The following PLEK variants were observed in gnomAD, a reference collection of about 807,000 sequenced individuals.
PLEK encodes pleckstrin, also known as platelet 47 kDa protein.
Under a neutral mutation model 43.9 loss-of-function variants are expected in PLEK, and 25 were observed. The observed-to-expected ratio is 0.57, with a 90% CI of 0.41 to 0.79. The LOEUF (loss-of-function observed/expected upper bound fraction) is 0.79, where lower values mean the gene tolerates loss of function less well. Ranked by LOEUF, PLEK falls within the 30% of genes least tolerant of loss-of-function variation. PLEK has a pLI of 0.00. For missense variants in PLEK, 396 were observed against 413.3 expected (o/e 0.96, Z 0.36); for synonymous variants, 152 against 144.4 (o/e 1.05, Z -0.38).
In PLEK at chr2:68,380,813, A is replaced by C; in HGVS notation, c.289A>C (p.Lys97Gln). 1.9e-6 allele frequency: 3 copies of C among 1,613,976 alleles called. No individual in the cohort carries two copies. Among genetic ancestry groups the C allele is most frequent in the Non-Finnish European group, 2.5e-6 (3 of 1,179,842 alleles). Residue 97 changes from lysine (K) to glutamine (Q), a missense_variant, in exon 3 of 9, where the codon AAG (lysine) becomes CAG (glutamine). Transcript: ENST00000234313. ...GAGAGATGCCTGGGTTCGGGATATC[A>C]AGAAGGCCATTAAATGCATTGAAGG... ...EERDAWVRDI[K>Q]KAIKCIEGGQ...
intron 2 of PLEK, 109 bp downstream of exon 2, chr2:68,380,592 C>G: frequency 7.2e-7 from 1 of 1,381,980 alleles, no homozygotes; most frequent in Non-Finnish European, 1.0e-6. Flanking sequence ...CCTCTCACCA[C>G]CACCCACACC....
chr2:68,367,322 G>C (rs1673298443), intron 1 of PLEK, among the ~76,000 whole-genome samples: 1 of 151,644 alleles, frequency 6.6e-6, no homozygotes, highest in Admixed American at 6.6e-5. Context: ...TTGTTATATA[G>C]GTAAACTCCT....
intron 6 of PLEK, among the ~76,000 whole-genome samples, chr2:68,391,940 G>A (rs1673867276): frequency 1.3e-5 from 2 of 152,122 alleles, no homozygotes; most frequent in African/African-American, 4.8e-5. Context: ...GAAATAACTT[G>A]GTAACTCACA....
At chr2:68,382,682 G>T (rs768074757) in intron 4 of PLEK, 49 bp downstream of exon 4, 1 of 1,067,244 alleles carries the variant, frequency 9.4e-7, no homozygotes. Flanking sequence ...AGGCGATATG[G>T]AGTCCTCCTT....
At chr2:68,385,618 G>A (rs1363356017) in intron 4 of PLEK, among the ~76,000 whole-genome samples, 1 of 151,522 alleles carries the variant, frequency 6.6e-6, no homozygotes. Flanking sequence ...CTGCCCCATG[G>A]GGCTGCTTTA....
intron 8 of PLEK, among the ~76,000 whole-genome samples, chr2:68,395,421 T>G (rs1673945315): frequency 6.6e-6 from 1 of 152,064 alleles, no homozygotes; most frequent in Non-Finnish European, 1.5e-5. Flanking sequence ...AAGAAAATGT[T>G]TCTCCTTAAG....
At chr2:68,369,781 G>T (rs1370828867) in intron 1 of PLEK, among the ~76,000 whole-genome samples, 2 of 152,158 alleles carry the variant, frequency 1.3e-5, no homozygotes, top group Admixed American at 1.3e-4. Flanking sequence ...GAGCCTGGAA[G>T]AGGCAAAATT....
chr2:68,388,571 G>T (rs1243716714), intron 6 of PLEK, 80 bp downstream of exon 6: 6 of 740,572 alleles, frequency 8.1e-6, no homozygotes, highest in African/African-American at 3.5e-5. Flanking sequence ...AGTGACTTTT[G>T]GTTTGTTTGG....
In PLEK at chr2:68,395,701, A is replaced by G. The variant is rs1673949765; in HGVS notation, c.938A>G (p.Asn313Ser). The change falls in exon 9 of 9, where the codon AAC becomes AGC. Residue 313 changes from asparagine (N) to serine (S), a missense_variant. Asn to Ser is a conservative substitution (Grantham distance 46). Transcript: ENST00000234313. The part of the protein sequence containing the change: ...NSNGRKSEEE[N>S]LFEIITADEV... Reference sequence around the variant, plus strand: ...CCAGGCAGGAAGAGTGAGGAAGAGAACCTTTTTGAGATCATCACAGCAGAT... The same window carrying G: ...CCAGGCAGGAAGAGTGAGGAAGAGAGCCTTTTTGAGATCATCACAGCAGAT... The G allele has an allele frequency of 6.2e-7, 1 of 1,613,982 alleles. No homozygotes were observed. The highest frequency in any genetic ancestry group is 8.5e-7 in the Non-Finnish European group (1 of 1,179,952).
chr2:68,386,656 C>T lies in PLEK; in HGVS notation c.627C>T (p.Phe209=), dbSNP rs746291593. 6.2e-7 allele frequency: 1 copy of T among 1,613,740 alleles called. No homozygotes were observed. The highest frequency in any genetic ancestry group is 1.1e-5 in the South Asian group (1 of 91,046). The change falls in exon 5 of 9, where the codon TTC becomes TTT. Residue 209 remains phenylalanine (F), a synonymous_variant. Coordinates refer to ENST00000234313, the MANE Select transcript of PLEK (RefSeq NM_002664.3). ...SAVDGTAENP[F]LDNPDAFYYF... ...TGGATGGAACTGCTGAAAACCCTTT[C>T]CTGGACAACCCTGATGCCTTCTACT...
chr2:68,382,778 C>G, intron 4 of PLEK, 145 bp downstream of exon 4: 2 of 567,110 alleles, frequency 3.5e-6, no homozygotes, highest in Middle Eastern at 5.7e-4. Context: ...GGATGAAGCT[C>G]CTACAGAGTG....
intron 4 of PLEK, among the ~76,000 whole-genome samples, chr2:68,384,182 TCCTTCTCCTTCTCCTTCTCCTCC>T (rs1383123372): frequency 1.3e-5 from 2 of 151,042 alleles, no homozygotes; most frequent in Non-Finnish European, 3.0e-5. Context: ...CTTCTCCTTC[TCCTTCTCCTTCTCCTTCTCCTCC>T]TTCTTCCTCT....
intron 7 of PLEK, among the ~76,000 whole-genome samples, chr2:68,393,581 A>C (rs1049700638): frequency 6.6e-6 from 1 of 152,206 alleles, no homozygotes; most frequent in Non-Finnish European, 1.5e-5. Flanking sequence ...ATAATTCCTC[A>C]TCCAGGTCAA....
At position 68,380,814 on chromosome 2, in the gene PLEK, A is replaced by G. The variant is rs758861509; in HGVS notation, c.290A>G (p.Lys97Arg). Residue 97 changes from lysine (K) to arginine (R), a missense_variant, in exon 3 of 9, where the codon AAG (lysine) becomes AGG (arginine). Coordinates refer to ENST00000234313, the MANE Select transcript of PLEK (RefSeq NM_002664.3). ...AGAGATGCCTGGGTTCGGGATATCA[A>G]GAAGGCCATTAAATGCATTGAAGGA... is the stretch of plus-strand genomic sequence containing the variant. ...EERDAWVRDI[K>R]KAIKCIEGGQ... The G allele has an allele frequency of 2.5e-6, 4 of 1,614,030 alleles. No individual in the cohort carries two copies. Among genetic ancestry groups the G allele is most frequent in the East Asian group, 2.2e-5 (1 of 44,882 alleles).
rs1573084941 is a variant in PLEK at position 68,396,800 on chromosome 2, G to C, written c.*984G>C. The C allele has an allele frequency of 6.6e-6, 1 of 152,464 alleles. No homozygotes were observed. The highest frequency in any genetic ancestry group is 2.4e-5 in the African/African-American group (1 of 41,598). The allele number at this position is 152,464 out of a possible 1,614,324, so 9.4% of individuals were successfully genotyped here. ...ATGTGTCTTGCGGCAGCTGCAGCAA[G>C]TGGAGGGGCTGAACTACTGGCCAGC... On this transcript the variant is annotated 3_prime_UTR_variant, in exon 9 of 9. Transcript: ENST00000234313.
chr2:68,391,493 GAT>G (rs1673858456), intron 6 of PLEK, among the ~76,000 whole-genome samples: 1 of 152,238 alleles, frequency 6.6e-6, no homozygotes, highest in Non-Finnish European at 1.5e-5. Flanking sequence ...TTTTGGACAT[GAT>G]ATAGCAGGTA....
chr2:68,374,037 A>G (rs115212766), intron 1 of PLEK, among the ~76,000 whole-genome samples: 393 of 152,316 alleles, frequency 2.6e-3, no homozygotes, highest in African/African-American at 9.2e-3. Context: ...CTTTACCTAG[A>G]TTAATCAATT....
chr2:68,367,249 T>G (rs1369402220), intron 1 of PLEK, among the ~76,000 whole-genome samples: 1 of 75,810 alleles, frequency 1.3e-5, no homozygotes, highest in Non-Finnish European at 2.6e-5. Flanking sequence ...TGCATTAAGA[T>G]TCTCTTTTTT....
At position 68,395,866 on chromosome 2, in the gene PLEK, C is replaced by CTCAG; in HGVS notation, c.*53_*56dup. ...CTCCTGAGGGAAGCCCATGGACAAG[C>CTCAG]TCAGTCCAGGACCTGTCCACTTCTG... On this transcript the variant is annotated 3_prime_UTR_variant, in exon 9 of 9. Transcript: ENST00000234313. The CTCAG allele has an allele frequency of 3.9e-6, 6 of 1,538,940 alleles. No individual in the cohort carries two copies. Among genetic ancestry groups the CTCAG allele is most frequent in the Non-Finnish European group, 5.4e-6 (6 of 1,113,876 alleles).
Sources: gnomAD v4.1 joint callset for allele counts (sites outside exome capture counted in the v4.1 genomes callset) on GRCh38, gnomAD v4.1.1 for gene constraint, MANE v1.5 for transcripts, NCBI Gene and HGNC (gene_info 2026-07-23, HGNC 2026-07-21) for gene names.